The following RIMS1 variants were observed in gnomAD, a reference collection of about 807,000 sequenced individuals.
RIMS1 encodes regulating synaptic membrane exocytosis 1.
RIMS1 carries 83 observed loss-of-function variants against 214.1 expected under a neutral mutation model. The observed-to-expected ratio is 0.39, with a 90% CI of 0.32 to 0.47. The LOEUF (loss-of-function observed/expected upper bound fraction) is 0.47. RIMS1 is among the 20% of genes least tolerant of loss of function. The pLI is 0.99. For missense variants in RIMS1, 2,050 were observed against 2,161.8 expected, an observed-to-expected ratio of 0.95 and a Z score of 1.03; for synonymous variants, 793 against 786.8, an observed-to-expected ratio of 1.01 and a Z score of -0.13.
In RIMS1 at chr6:71,920,019, ACAC is replaced by A. The variant is rs1373930014; in HGVS notation, c.164+32835_164+32837del. On this transcript the variant is annotated intron_variant, in intron 1 of 33. Transcript: ENST00000521978. ...CCAGGGGAAGAAACAGACAATAAAA[ACAC>A]CATAAACATGAGAATATACTCAAAT... 2.6e-5 allele frequency among the ~76,000 whole-genome samples: 4 copies of A among 152,280 alleles called. No individual in the cohort carries two copies. In the East Asian group the frequency reaches 7.7e-4, roughly 29 times the overall value.
In RIMS1 at chr6:72,263,024, T is replaced by C. The variant is rs1467467101; in HGVS notation, c.3117-1951T>C. ...CTACGAAAGTTTATTTTACGACTAA[T>C]AGAGTAAGGATTCAAAATCAGATCT... is the stretch of plus-strand genomic sequence containing the variant. On this transcript the variant is annotated intron_variant, in intron 19 of 33. Coordinates refer to ENST00000521978, the MANE Select transcript of RIMS1 (RefSeq NM_014989.7). 6 of 797,020 alleles carry C rather than the reference T, an allele frequency of 7.5e-6. No individual in the cohort carries two copies. The Admixed American group carries it at 2.5e-4, about 33-fold the overall frequency. 49.4% of individuals were successfully genotyped at this position (797,020 alleles called of 1,614,324 possible). A position where few individuals can be genotyped will look rare whatever the true frequency, so the allele number is the denominator to read the frequency against.
At position 72,183,122 on chromosome 6, in the gene RIMS1, C is replaced by G. The variant is rs1482361650; in HGVS notation, c.1651C>G (p.Leu551Val). 1 of 1,591,880 alleles carries G rather than the reference C, an allele frequency of 6.3e-7. No individual in the cohort carries two copies. Among genetic ancestry groups the G allele is most frequent in the East Asian group, 2.3e-5 (1 of 43,930 alleles). The change falls in exon 6 of 34, where the codon CTG becomes GTG. Residue 551 changes from leucine (L) to valine (V), a missense_variant. This residue lies in a region of RIMS1 where 882 missense variants were observed against 828.9 expected (regional missense o/e 1.06). Transcript: ENST00000521978. ...GTACACCAGCTGCGAGGACGTGGAG[C>G]TGGAGAGCGAGAGCGTCAGCGAGAA... ...PEYTSCEDVE[L>V]ESESVSEKGD...
chr6:72,140,599 C>G (rs2041967297), intron 4 of RIMS1, among the ~76,000 whole-genome samples: 1 of 151,936 alleles, frequency 6.6e-6, no homozygotes, highest in Non-Finnish European at 1.5e-5. Context: ...TGTATTTTGT[C>G]TGAGTGTGTG....
intron 1 of RIMS1, among the ~76,000 whole-genome samples, chr6:71,899,445 C>T (rs1438032968): frequency 2.0e-5 from 3 of 151,654 alleles, no homozygotes; most frequent in Non-Finnish European, 2.9e-5. Flanking sequence ...AATGGCTACT[C>T]ACATATATAT....
At chr6:72,042,169 T>C (rs1821637233) in intron 2 of RIMS1, among the ~76,000 whole-genome samples, 1 of 151,872 alleles carries the variant, frequency 6.6e-6, no homozygotes, top group East Asian at 1.9e-4. Context: ...TGACTAAACT[T>C]TCAACCCAGA....
chr6:72,307,457 A>C, intron 27 of RIMS1, 87 bp downstream of exon 27: 1 of 834,654 alleles, frequency 1.2e-6, no homozygotes, highest in Non-Finnish European at 1.8e-6. Context: ...ACCGAATTAT[A>C]TAAGAGAAGT....
At chr6:72,297,838 G>A (rs1231856895) in intron 26 of RIMS1, among the ~76,000 whole-genome samples, 2 of 151,934 alleles carry the variant, frequency 1.3e-5, no homozygotes, top group African/African-American at 4.8e-5. Flanking sequence ...CATTAAAATC[G>A]TATTTTAAGC....
chr6:72,007,986 C>G (rs1808507002), intron 2 of RIMS1, among the ~76,000 whole-genome samples: 1 of 152,144 alleles, frequency 6.6e-6, no homozygotes, highest in Non-Finnish European at 1.5e-5. Context: ...CACAAAGATA[C>G]TGTTCGAGAA....
At chr6:72,399,540 A>G (rs986635009) in intron 33 of RIMS1, among the ~76,000 whole-genome samples, 1 of 152,152 alleles carries the variant, frequency 6.6e-6, no homozygotes, top group Admixed American at 6.6e-5. Context: ...GAAGAGGGAG[A>G]GGAAAAGAGA....
chr6:72,184,400 C>T (rs1049618911), intron 6 of RIMS1, among the ~76,000 whole-genome samples: 8 of 152,148 alleles, frequency 5.3e-5, no homozygotes, highest in African/African-American at 1.4e-4. Flanking sequence ...GCTGCAGCTA[C>T]GTCAGCAGGA....
chr6:72,371,514 G>C (rs978258038), intron 29 of RIMS1, among the ~76,000 whole-genome samples: 1 of 152,124 alleles, frequency 6.6e-6, no homozygotes, highest in African/African-American at 2.4e-5. Flanking sequence ...GAATTTTACA[G>C]TTTTATGTTT....
At chr6:72,124,926 C>A (rs969630526) in intron 4 of RIMS1, among the ~76,000 whole-genome samples, 3 of 152,150 alleles carry the variant, frequency 2.0e-5, no homozygotes, top group Non-Finnish European at 4.4e-5. Flanking sequence ...GTTCAAACAT[C>A]CTCCTTTAGC....
chr6:72,297,760 T>G (rs2094235069), intron 26 of RIMS1, among the ~76,000 whole-genome samples: 1 of 152,020 alleles, frequency 6.6e-6, no homozygotes, highest in Non-Finnish European at 1.5e-5. Context: ...GGATTTAAGA[T>G]AACACAGTTT....
intron 23 of RIMS1, among the ~76,000 whole-genome samples, chr6:72,279,807 CT>C (rs1193605424): frequency 2.0e-5 from 3 of 151,812 alleles, no homozygotes; most frequent in African/African-American, 7.3e-5. Flanking sequence ...GACACTTAAA[CT>C]TTTGTGGACT....
intron 4 of RIMS1, among the ~76,000 whole-genome samples, chr6:72,177,817 G>A (rs2047920993): frequency 6.6e-6 from 1 of 152,128 alleles, no homozygotes; most frequent in African/African-American, 2.4e-5. Flanking sequence ...TGTTCATGAA[G>A]GTCCTGGCCC....
intron 1 of RIMS1, among the ~76,000 whole-genome samples, chr6:71,908,044 G>C (rs987014183): frequency 3.3e-5 from 5 of 152,132 alleles, no homozygotes; most frequent in African/African-American, 4.8e-5. Context: ...CATGAAAAGT[G>C]GGCAAAGTGT....
intron 32 of RIMS1, 69 bp downstream of exon 32, chr6:72,398,419 G>A: frequency 3.3e-6 from 3 of 899,634 alleles, no homozygotes; most frequent in Non-Finnish European, 5.1e-6. Context: ...AACATTTGCT[G>A]CATTTGAATT....
intron 16 of RIMS1, among the ~76,000 whole-genome samples, chr6:72,256,436 T>C (rs956322590): frequency 2.0e-5 from 3 of 152,222 alleles, no homozygotes; most frequent in African/African-American, 7.2e-5. Context: ...TTAATTTCTA[T>C]ATAACCACAA....
At chr6:72,255,033 AAAG>A (rs1382435220) in intron 16 of RIMS1, among the ~76,000 whole-genome samples, 2 of 152,156 alleles carry the variant, frequency 1.3e-5, no homozygotes, top group African/African-American at 2.4e-5. Context: ...CTCATAAATT[AAAG>A]GAGAGCATGT....
Sources: allele counts gnomAD v4.1 joint callset (sites outside exome capture counted in the v4.1 genomes callset), GRCh38; gene constraint gnomAD v4.1.1; regional missense constraint gnomAD v4.1.1; transcripts MANE v1.5; gene names NCBI Gene and HGNC (gene_info 2026-07-23, HGNC 2026-07-21).